CACNA1S: variants seen among roughly 807,000 people sequenced by gnomAD.
CACNA1S encodes the protein calcium voltage-gated channel subunit alpha1 S.
Under a neutral mutation model 207.4 loss-of-function variants are expected in CACNA1S, and 126 were observed. The ratio of observed to expected loss-of-function variants is 0.61; its 90% CI spans 0.53 to 0.70. The LOEUF is 0.70. Ranked by LOEUF, CACNA1S falls within the 30% of genes least tolerant of loss-of-function variation. The pLI is 0.00. For synonymous variants in CACNA1S, 960 were observed against 932.7 expected (o/e 1.03, Z -0.53); for missense variants, 2,349 against 2,422.8 (o/e 0.97, Z 0.64).
chr1:201,091,969 C>G lies in CACNA1S; in HGVS notation c.541+3G>C. 1 of 1,614,034 alleles carries G rather than the reference C, an allele frequency of 6.2e-7. No individual in the cohort carries two copies. The highest frequency in any genetic ancestry group is 1.1e-5 in the South Asian group (1 of 91,074). ...AGGGGTCTGCAGGGACACTGCCACC[C>G]ACTAGGCACCCCCGACACCAGCCGG... On this transcript the variant is annotated splice_donor_region_variant and intron_variant, in intron 4 of 43. Coordinates refer to ENST00000362061, the MANE Select transcript of CACNA1S (RefSeq NM_000069.3).
intron 16 of CACNA1S, 150 bp from the exon 17 acceptor site, chr1:201,070,554 A>C (rs1661411025): frequency 2.1e-6 from 2 of 973,750 alleles, no homozygotes; most frequent in Non-Finnish European, 3.1e-6. Context: ...GGCAGAGTCC[A>C]GCCCGGGCAT....
chr1:201,088,792 C>T (rs1032358397), intron 6 of CACNA1S, among the ~76,000 whole-genome samples: 2 of 152,194 alleles, frequency 1.3e-5, no homozygotes, highest in Admixed American at 1.3e-4. Flanking sequence ...GTGCCGGGCA[C>T]TGTTGTAATT....
intron 2 of CACNA1S, among the ~76,000 whole-genome samples, chr1:201,099,897 G>A (rs1271560905): frequency 6.6e-6 from 1 of 152,190 alleles, no homozygotes; most frequent in Non-Finnish European, 1.5e-5. Context: ...GCAGCTTTGG[G>A]AAGTCTCAGG....
chr1:201,112,349 G>T lies in CACNA1S; in HGVS notation c.-10C>A. The stretch of plus-strand genomic sequence containing the variant: ...GTGAGGATGGCTCCATGGCTTCCCT[G>T]GGAATCTGGCTTTCTCCTGCTCCCC... On this transcript the variant is annotated 5_prime_UTR_variant, in exon 1 of 44. Transcript: ENST00000362061. The T allele has an allele frequency of 6.2e-7, 1 of 1,612,178 alleles. No homozygotes were observed. Among genetic ancestry groups the T allele is most frequent in the Admixed American group, 1.7e-5 (1 of 59,918 alleles).
intron 2 of CACNA1S, among the ~76,000 whole-genome samples, chr1:201,103,773 G>A (rs900936311): frequency 6.6e-6 from 1 of 152,186 alleles, no homozygotes; most frequent in African/African-American, 2.4e-5. Flanking sequence ...ATGGGCTGCT[G>A]GCCACAAGAG....
chr1:201,087,927 G>T lies in CACNA1S; in HGVS notation c.903C>A (p.Val301=), dbSNP rs1662092499. The T allele has an allele frequency of 1.2e-6, 2 of 1,605,288 alleles. No individual in the cohort carries two copies. The highest frequency in any genetic ancestry group is 1.7e-4 in the Middle Eastern group (1 of 6,040). ...MEGWTDVLYW[V]NDAIGNEWPW... Reference sequence around the variant, plus strand: ...GCCACTCATTCCCGATGGCATCATTGACCTGGTCAGGACAGAAGTGTGATC... The same window carrying T: ...GCCACTCATTCCCGATGGCATCATTTACCTGGTCAGGACAGAAGTGTGATC... Residue 301 remains valine, a splice_region_variant and synonymous_variant, in exon 7 of 44, where the codon GTC becomes GTA. Coordinates refer to ENST00000362061, the MANE Select transcript of CACNA1S (RefSeq NM_000069.3).
chr1:201,082,722 C>A (rs12737797), intron 10 of CACNA1S, among the ~76,000 whole-genome samples: 36,364 of 152,170 alleles, frequency 0.24, 5,832 homozygotes, highest in Non-Finnish European at 0.37. Flanking sequence ...ATCCTGAGTT[C>A]TTTTCCTGTG....
chr1:201,096,490 G>A (rs1047570304), intron 2 of CACNA1S, among the ~76,000 whole-genome samples: 1 of 152,176 alleles, frequency 6.6e-6, no homozygotes, highest in African/African-American at 2.4e-5. Flanking sequence ...TGGATGCCCT[G>A]GGTAAGACCT....
chr1:201,103,302 T>G (rs1238923330), intron 2 of CACNA1S, among the ~76,000 whole-genome samples: 1 of 150,706 alleles, frequency 6.6e-6, no homozygotes, highest in Non-Finnish European at 1.5e-5. Flanking sequence ...GATGAGGTAA[T>G]GGAGGTTCAG....
chr1:201,083,065 G>T, intron 10 of CACNA1S, 97 bp downstream of exon 10: 1 of 1,278,562 alleles, frequency 7.8e-7, no homozygotes, highest in South Asian at 1.2e-5. Context: ...ATATCTAATT[G>T]ACCTCTTCTG....
At chr1:201,049,819 A>G (rs1396112812) in intron 34 of CACNA1S, among the ~76,000 whole-genome samples, 1 of 152,172 alleles carries the variant, frequency 6.6e-6, no homozygotes, top group Non-Finnish European at 1.5e-5. Context: ...CCTGCACTGT[A>G]TCTTGGCACC....
In CACNA1S at chr1:201,053,525, C is replaced by T. The variant is rs370688176; in HGVS notation, c.3729G>A (p.Leu1243=). 19 of 1,614,064 alleles carry T rather than the reference C, an allele frequency of 1.2e-5. No homozygotes were observed. The highest frequency in any genetic ancestry group is 1.4e-5 in the Non-Finnish European group (16 of 1,180,030). Residue 1243 remains leucine, a synonymous_variant, in exon 30 of 44, where the codon CTG becomes CTA. Coordinates refer to ENST00000362061, the MANE Select transcript of CACNA1S (RefSeq NM_000069.3). The surrounding 1 kb of genome is among the most constrained non-coding windows in gnomAD (Gnocchi z 5.1). ...CTTCTGCCCGGCTCAGCAGCTTGAT[C>T]AGCCTCATGACACGGAACAGGCGGA... ...AFFRLFRVMR[L]IKLLSRAEGV... is the part of the protein sequence containing the mutation.
At chr1:201,111,052 C>T (rs188061966) in intron 1 of CACNA1S, among the ~76,000 whole-genome samples, 1 of 146,602 alleles carries the variant, frequency 6.8e-6, no homozygotes, top group East Asian at 1.9e-4. Flanking sequence ...AAGAGGAGGG[C>T]CACAGGGGCA....
chr1:201,079,345 C>A (rs879419592), intron 10 of CACNA1S, among the ~76,000 whole-genome samples: 2 of 152,120 alleles, frequency 1.3e-5, no homozygotes, highest in African/African-American at 2.4e-5. Context: ...TCTGCCACAT[C>A]CAATGCTAAT....
Position 201,066,206 on chromosome 1 carries a change from C to T in CACNA1S, c.2745+23G>A, listed in dbSNP as rs562987378. The T allele has an allele frequency of 1.2e-6, 2 of 1,609,532 alleles. No homozygotes were observed. Among genetic ancestry groups the T allele is most frequent in the Admixed American group, 3.3e-5 (2 of 60,012 alleles). ...TAACCCCTCCCATTCCTCTCTGGGG[C>T]TCCTGCCCGGGCCCTCTCTCACCTT... On this transcript the variant is annotated intron_variant, in intron 21 of 43. Coordinates refer to ENST00000362061, the MANE Select transcript of CACNA1S (RefSeq NM_000069.3). This position sits in a 1 kb window ranked among gnomAD's most constrained non-coding sequence, Gnocchi z 4.3.
At chr1:201,097,861 G>A (rs1033345179) in intron 2 of CACNA1S, among the ~76,000 whole-genome samples, 5 of 152,094 alleles carry the variant, frequency 3.3e-5, no homozygotes, top group Admixed American at 3.3e-4. Flanking sequence ...ATGGTCCCCC[G>A]ACACAGATGA....
In CACNA1S at chr1:201,090,216, G is replaced by A. The variant is rs188098173; in HGVS notation, c.695-753C>T. On this transcript the variant is annotated intron_variant, in intron 5 of 43. Coordinates refer to ENST00000362061, the MANE Select transcript of CACNA1S (RefSeq NM_000069.3). The stretch of plus-strand genomic sequence containing the variant: ...GGGTCTGTAGGGGCCCTGACCCCAT[G>A]AAGTCAGAAGCCCCGATCCGAGAGG... 1.4e-3 allele frequency among the ~76,000 whole-genome samples: 220 copies of A among 152,334 alleles called. 1 individual carries two copies. The highest frequency in any genetic ancestry group is 1.5e-3 in the Non-Finnish European group (103 of 68,032).
At chr1:201,101,050 A>T (rs35372141) in intron 2 of CACNA1S, among the ~76,000 whole-genome samples, 60,621 of 151,774 alleles carry the variant, frequency 0.4, 12,294 homozygotes, top group South Asian at 0.46. Flanking sequence ...ACATTTCTTT[A>T]TTTTAATGTC....
At position 201,060,861 on chromosome 1, in the gene CACNA1S, C is replaced by T. The variant is rs756192134; in HGVS notation, c.3256-45G>A. 2.1e-5 allele frequency: 34 copies of T among 1,611,348 alleles called. No individual in the cohort carries two copies. The Admixed American group carries it at 4.8e-4, about 23-fold the overall frequency. On this transcript the variant is annotated intron_variant, in intron 25 of 43. Coordinates refer to ENST00000362061, the MANE Select transcript of CACNA1S (RefSeq NM_000069.3). ...ACAGGTCAGCACCAAGAGGCCCCTC[C>T]CTCCCTCTCCACACCCACATCCATG...
Sources: allele counts gnomAD v4.1 joint callset (sites outside exome capture counted in the v4.1 genomes callset), GRCh38; gene constraint gnomAD v4.1.1; non-coding constraint Gnocchi (gnomAD v3.1); transcripts MANE v1.5; gene names NCBI Gene and HGNC (gene_info 2026-07-23, HGNC 2026-07-21).